Variants in AP1G1 observed in about 807,000 individuals in gnomAD.
AP1G1 encodes the protein AP-1 complex subunit gamma-1.
In AP1G1, 7 loss-of-function variants were observed where a neutral mutation model predicts 108.3. The ratio of observed to expected loss-of-function variants is 0.06; its 90% CI spans 0.04 to 0.12. The LOEUF is 0.12. AP1G1 is among the 10% of genes least tolerant of loss of function. The probability of loss-of-function intolerance (pLI) is 1.00; values close to 1 mark genes in which losing one functional copy is unlikely to be tolerated. For synonymous variants in AP1G1, 379 were observed against 353.5 expected (o/e 1.07, Z -0.81); for missense variants, 756 against 1,010.7 (o/e 0.75, Z 3.42).
chr16:71,783,373 G>C (rs2032093049), intron 2 of AP1G1, among the ~76,000 whole-genome samples: 1 of 151,856 alleles, frequency 6.6e-6, no homozygotes, highest in African/African-American at 2.4e-5. Context: ...ATGTGGCAAA[G>C]TAGATAAATA....
rs536647475 is a variant in AP1G1 at position 71,735,719 on chromosome 16, T to C, written c.2269-1012A>G. On this transcript the variant is annotated intron_variant, in intron 21 of 22. Transcript: ENST00000299980. Reference sequence around the variant, plus strand: ...AAACCATACTGTACTACGTAGCTATTGTATGAACTAGCATTTGAAAATCTT... The same window carrying C: ...AAACCATACTGTACTACGTAGCTATCGTATGAACTAGCATTTGAAAATCTT... 5.5e-4 allele frequency among the ~76,000 whole-genome samples: 83 copies of C among 152,076 alleles called. 1 individual carries two copies. The highest frequency in any genetic ancestry group is 1.0e-3 in the Non-Finnish European group (68 of 68,022).
rs543700272 is a variant in AP1G1 at position 71,755,590 on chromosome 16, G to T, written c.1229+429C>A. Among the ~76,000 whole-genome samples, 3 of 152,212 alleles carry T rather than the reference G, an allele frequency of 2.0e-5. No individual in the cohort carries two copies. In the South Asian group the frequency reaches 6.2e-4, roughly 32 times the overall value. ...TCTCCAAGCTAATTTATAATTGAGG[G>T]TTTGAAATAAATGTTATGTGTTTTA... On this transcript the variant is annotated intron_variant, in intron 12 of 22. Coordinates refer to ENST00000299980, the MANE Select transcript of AP1G1 (RefSeq NM_001128.6).
chr16:71,764,206 C>G, intron 9 of AP1G1, 144 bp downstream of exon 9: 1 of 555,020 alleles, frequency 1.8e-6, no homozygotes, highest in East Asian at 3.2e-5. Context: ...ATTTCAGATA[C>G]CAAAAATCCA....
rs762092753 is a variant in AP1G1, at chr16:71,764,318, AG to A, written c.918+31del. 86 of 1,341,802 alleles carry A rather than the reference AG, an allele frequency of 6.4e-5. No individual in the cohort carries two copies. In the Middle Eastern group the frequency reaches 2.8e-3, roughly 44 times the overall value. The allele number at this position is 1,341,802 out of a possible 1,614,324, so 83.1% of individuals were successfully genotyped here. ...GTCAACCATTCTAAGTGAAACATTT[AG>A]GGGGGGAAGAAAAGATTCAAAAAGA... is the stretch of plus-strand genomic sequence containing the variant. On this transcript the variant is annotated intron_variant, in intron 9 of 22. Transcript: ENST00000299980.
intron 12 of AP1G1, 118 bp from the exon 13 acceptor site, chr16:71,754,005 C>T (rs548240351): frequency 6.5e-6 from 6 of 923,228 alleles, no homozygotes; most frequent in Admixed American, 4.0e-5. Flanking sequence ...CTTGGGAGGC[C>T]GAGGTGGGAG....
intron 13 of AP1G1, among the ~76,000 whole-genome samples, chr16:71,752,007 G>C (rs918605761): frequency 2.0e-5 from 3 of 152,102 alleles, no homozygotes; most frequent in African/African-American, 7.2e-5. Flanking sequence ...CAAGATATTA[G>C]CAAATCAAAC....
At chr16:71,752,302 C>T (rs561594032) in intron 13 of AP1G1, among the ~76,000 whole-genome samples, 2 of 152,226 alleles carry the variant, frequency 1.3e-5, no homozygotes, top group South Asian at 2.1e-4. Flanking sequence ...ATGTTAATTA[C>T]ATTTTGTTAG....
At chr16:71,740,047 A>G (rs1372386937) in intron 19 of AP1G1, among the ~76,000 whole-genome samples, 4 of 152,218 alleles carry the variant, frequency 2.6e-5, no homozygotes, top group South Asian at 2.1e-4. Context: ...TCGATGTCTG[A>G]TAATTCCAGA....
In AP1G1 at chr16:71,748,378, C is replaced by T; in HGVS notation, c.1498G>A (p.Val500Ile). Residue 500 changes from valine (V) to isoleucine (I), a missense_variant and splice_region_variant, in exon 16 of 23, where the codon GTA becomes ATA. Val to Ile is a conservative substitution (Grantham distance 29, BLOSUM62 3). Around this residue, in one of 3 missense-constraint regions of AP1G1, gnomAD observed 357 missense variants for 366.5 expected, o/e 0.97. Transcript: ENST00000299980. ...ATATCCAACACTTCATCCTCTGTTA[C>T]CTGAGGAGGAGGAGGAAAAAGAAGA... Reference protein sequence around the residue: ...GQCEEEEPIQVTEDEVLDILE... With the variant: ...GQCEEEEPIQITEDEVLDILE... 1 of 1,609,570 alleles carries T rather than the reference C, an allele frequency of 6.2e-7. No individual in the cohort carries two copies. The highest frequency in any genetic ancestry group is 8.5e-7 in the Non-Finnish European group (1 of 1,178,848).
Position 71,729,191 on chromosome 16 carries a change from CAAT to C in AP1G1, c.*3864_*3866del, listed in dbSNP as rs1220846496. ...TTTTTACATCTCAAAAATATGTCTG[CAAT>C]AATTAGAGCTTCATTAGCTGTCCCA... On this transcript the variant is annotated 3_prime_UTR_variant, in exon 23 of 23. Coordinates refer to ENST00000299980, the MANE Select transcript of AP1G1 (RefSeq NM_001128.6). The C allele has an allele frequency of 3.3e-5, 5 of 151,820 alleles. No individual in the cohort carries two copies. Among genetic ancestry groups the C allele is most frequent in the African/African-American group, 1.2e-4 (5 of 41,178 alleles). The allele number at this position is 151,820 out of a possible 1,614,324, so 9.4% of individuals were successfully genotyped here. A position where few individuals can be genotyped will look rare whatever the true frequency, so the allele number is the denominator to read the frequency against.
At position 71,745,276 on chromosome 16, in the gene AP1G1, C is replaced by G. The variant is rs767496352; in HGVS notation, c.1873-6G>C. 2 of 1,614,130 alleles carry G rather than the reference C, an allele frequency of 1.2e-6. No individual in the cohort carries two copies. Among genetic ancestry groups the G allele is most frequent in the East Asian group, 4.5e-5 (2 of 44,884 alleles). Reference sequence around the variant, plus strand: ...AAATCCAATAAATCATTGGCCTAAACAAGGTAACAACACCTCAATTCATTA... The same window carrying G: ...AAATCCAATAAATCATTGGCCTAAAGAAGGTAACAACACCTCAATTCATTA... On this transcript the variant is annotated splice_polypyrimidine_tract_variant and splice_region_variant and intron_variant, in intron 18 of 22. Transcript: ENST00000299980.
chr16:71,799,901 A>AAAT lies in AP1G1; in HGVS notation c.-4+8859_-4+8861dup, dbSNP rs145326343. ...GTGACAGAGCGAGGTTCCATCTTAAAAATAATAATAATAATAATAATAATA... is the reference window on the plus strand; with the variant it reads ...GTGACAGAGCGAGGTTCCATCTTAAAAATAATAATAATAATAATAATAATAATA... On this transcript the variant is annotated intron_variant, in intron 1 of 22. Coordinates refer to ENST00000299980, the MANE Select transcript of AP1G1 (RefSeq NM_001128.6). 1.7e-3 allele frequency among the ~76,000 whole-genome samples: 247 copies of AAAT among 147,334 alleles called. 2 individuals are homozygous for AAAT. The highest frequency in any genetic ancestry group is 4.6e-3 in the Admixed American group (67 of 14,582).
At chr16:71,742,820 A>G (rs2029932556) in intron 19 of AP1G1, 1 of 152,064 alleles carries the variant, frequency 6.6e-6, no homozygotes. Flanking sequence ...AAAAATACAA[A>G]AATTAGCTGG....
At chr16:71,776,860 A>G (rs11075903) in intron 2 of AP1G1, among the ~76,000 whole-genome samples, 34,650 of 151,886 alleles carry the variant, frequency 0.23, 4,635 homozygotes, top group Non-Finnish European at 0.31. Context: ...CTGTAATCCC[A>G]GCACTTTGGG....
intron 2 of AP1G1, among the ~76,000 whole-genome samples, chr16:71,782,425 A>G (rs571017009): frequency 4.6e-5 from 7 of 152,096 alleles, no homozygotes; most frequent in African/African-American, 1.7e-4. Context: ...CAGCCTCACA[A>G]AAGACTGAGA....
rs755470042 is a variant in AP1G1 at position 71,734,595 on chromosome 16, A to G, written c.2367+14T>C. 1.3e-6 allele frequency: 2 copies of G among 1,588,476 alleles called. No homozygotes were observed. Among genetic ancestry groups the G allele is most frequent in the South Asian group, 2.2e-5 (2 of 90,528 alleles). ...CACTTCGGCTCAGATATTGGCTACAAATGTGCTACTCACCTTCTGAGGGTT... is the reference window on the plus strand; with the variant it reads ...CACTTCGGCTCAGATATTGGCTACAGATGTGCTACTCACCTTCTGAGGGTT... On this transcript the variant is annotated intron_variant, in intron 22 of 22. Transcript: ENST00000299980.
chr16:71,795,165 GTGCA>G (rs2032542913), intron 1 of AP1G1, among the ~76,000 whole-genome samples: 1 of 151,998 alleles, frequency 6.6e-6, no homozygotes, highest in East Asian at 1.9e-4. Flanking sequence ...ACTGCCCACT[GTGCA>G]CTTTCAGCTA....
intron 1 of AP1G1, chr16:71,806,790 G>C: frequency 2.9e-6 from 3 of 1,043,348 alleles, no homozygotes; most frequent in South Asian, 2.9e-5. Context: ...GTATCTAATA[G>C]TAACTAATAT....
At position 71,789,444 on chromosome 16, in the gene AP1G1, C is replaced by T. The variant is rs778300896; in HGVS notation, c.36G>A (p.Arg12=). The change falls in exon 2 of 23, where the codon CGG becomes CGA. Residue 12 remains arginine (R), a synonymous_variant. Transcript: ENST00000299980. ...PAPIRLRELI[R]TIRTARTQAE... The stretch of plus-strand genomic sequence containing the variant: ...CTTGGGTTCGGGCTGTCCGGATGGT[C>T]CGGATCAGCTCCCGCAATCTGATGG... The T allele has an allele frequency of 1.7e-5, 27 of 1,614,026 alleles. No individual in the cohort carries two copies. The highest frequency in any genetic ancestry group is 5.9e-6 in the Non-Finnish European group (7 of 1,180,050).
Sources: gnomAD v4.1 joint callset for allele counts (sites outside exome capture counted in the v4.1 genomes callset) on GRCh38, gnomAD v4.1.1 for gene constraint, gnomAD v4.1.1 regional missense constraint, MANE v1.5 for transcripts, NCBI Gene and HGNC (gene_info 2026-07-23, HGNC 2026-07-21) for gene names.